Variants in CAMK1D observed in about 807,000 individuals in gnomAD.
CAMK1D encodes the protein calcium/calmodulin dependent protein kinase ID.
Under a neutral mutation model 47.7 loss-of-function variants are expected in CAMK1D, and 9 were observed. The ratio of observed to expected loss-of-function variants is 0.19; its 90% CI spans 0.11 to 0.33. CAMK1D has a LOEUF of 0.33. Among genes scored for constraint, CAMK1D ranks in the 10% least tolerant of loss-of-function variants. The pLI is 1.00. For missense variants in CAMK1D, 291 were observed against 488.7 expected (o/e 0.60, Z 3.81); for synonymous variants, 184 against 184.9 (o/e 0.99, Z 0.04).
intron 1 of CAMK1D, among the ~76,000 whole-genome samples, chr10:12,356,158 G>A (rs1439856041): frequency 6.6e-6 from 1 of 151,576 alleles, no homozygotes; most frequent in African/African-American, 2.4e-5. Flanking sequence ...AAATCTGCCC[G>A]CCCCCACCTC....
chr10:12,670,225 G>A (rs918714697), intron 3 of CAMK1D, among the ~76,000 whole-genome samples: 1 of 149,378 alleles, frequency 6.7e-6, no homozygotes, highest in African/African-American at 2.5e-5. Flanking sequence ...ATTCTAATGG[G>A]GTGTAGTGAT....
At chr10:12,543,227 T>C (rs1369195260) in intron 1 of CAMK1D, among the ~76,000 whole-genome samples, 2 of 151,992 alleles carry the variant, frequency 1.3e-5, no homozygotes, top group Admixed American at 1.3e-4. Flanking sequence ...TTTGTATTTT[T>C]TCTATAGAGA....
intron 1 of CAMK1D, among the ~76,000 whole-genome samples, chr10:12,367,333 G>T (rs1160415506): frequency 6.6e-6 from 1 of 151,970 alleles, no homozygotes. Flanking sequence ...TAGATCAGTG[G>T]TCCTCAATCT....
chr10:12,505,159 G>A (rs1015992162), intron 1 of CAMK1D, among the ~76,000 whole-genome samples: 23 of 152,210 alleles, frequency 1.5e-4, no homozygotes, highest in African/African-American at 3.6e-4. Context: ...TGCAGAAGCC[G>A]TCCGTGTGAG....
intron 1 of CAMK1D, among the ~76,000 whole-genome samples, chr10:12,408,848 C>CT (rs113921067): frequency 0.27 from 32,818 of 122,004 alleles, 4,941 homozygotes; most frequent in Middle Eastern, 0.31. Context: ...TTCTTTCTTT[C>CT]TTTTTTTTTT....
intron 3 of CAMK1D, among the ~76,000 whole-genome samples, chr10:12,711,312 G>A (rs11257949): frequency 0.013 from 1,996 of 152,260 alleles, 45 homozygotes; most frequent in African/African-American, 0.046. Flanking sequence ...AAAACACAGA[G>A]CGAGAAACTG....
chr10:12,432,368 G>C (rs1482543755), intron 1 of CAMK1D, among the ~76,000 whole-genome samples: 1 of 152,228 alleles, frequency 6.6e-6, no homozygotes, highest in Non-Finnish European at 1.5e-5. Context: ...GTTTCTGGCA[G>C]ATCCAGCTGG....
intron 1 of CAMK1D, among the ~76,000 whole-genome samples, chr10:12,489,977 G>A (rs575891644): frequency 3.3e-5 from 5 of 152,344 alleles, no homozygotes; most frequent in South Asian, 4.1e-4. Context: ...TTGAGGGAGC[G>A]TGGGGCAGGT....
At chr10:12,366,055 CA>C (rs1247810028) in intron 1 of CAMK1D, among the ~76,000 whole-genome samples, 1 of 152,104 alleles carries the variant, frequency 6.6e-6, no homozygotes, top group Non-Finnish European at 1.5e-5. Flanking sequence ...GACTCCGTCT[CA>C]AAAAAACACG....
At chr10:12,586,551 A>G (rs1204794869) in intron 2 of CAMK1D, among the ~76,000 whole-genome samples, 2 of 152,126 alleles carry the variant, frequency 1.3e-5, no homozygotes, top group Non-Finnish European at 2.9e-5. Flanking sequence ...GTTAAAAACA[A>G]TACCCATTCT....
At chr10:12,412,410 G>C (rs1208799727) in intron 1 of CAMK1D, among the ~76,000 whole-genome samples, 1 of 140,254 alleles carries the variant, frequency 7.1e-6, no homozygotes, top group African/African-American at 2.7e-5. Flanking sequence ...AGGAGTTCGA[G>C]ACCAGCCTGG....
At chr10:12,486,304 G>A (rs1474534287) in intron 1 of CAMK1D, among the ~76,000 whole-genome samples, 2 of 152,062 alleles carry the variant, frequency 1.3e-5, no homozygotes, top group Admixed American at 6.5e-5. Context: ...GACTACAGGT[G>A]CCCACCACCA....
intron 1 of CAMK1D, among the ~76,000 whole-genome samples, chr10:12,452,266 T>G (rs889460673): frequency 1.3e-5 from 2 of 152,110 alleles, no homozygotes; most frequent in African/African-American, 4.8e-5. Flanking sequence ...TAAACTGAAT[T>G]TACAATATTT....
chr10:12,360,846 C>T lies in CAMK1D; in HGVS notation c.92+10936C>T, dbSNP rs117950167. Among the ~76,000 whole-genome samples, 267 of 152,260 alleles carry T rather than the reference C, an allele frequency of 1.8e-3. 1 individual carries two copies. Among genetic ancestry groups the T allele is most frequent in the African/African-American group, 5.9e-3 (247 of 41,550 alleles). On this transcript the variant is annotated intron_variant, in intron 1 of 10. Coordinates refer to ENST00000619168, the MANE Select transcript of CAMK1D (RefSeq NM_153498.4). ...GCTCTGGAAAGGGAGGCTGCTGTGT[C>T]GCTGCCTCTCCCATCTTTCTTTCTT...
chr10:12,791,245 C>T lies in CAMK1D; in HGVS notation c.641+12C>T, dbSNP rs779323281. 3 of 1,612,696 alleles carry T rather than the reference C, an allele frequency of 1.9e-6. No individual in the cohort carries two copies. The highest frequency in any genetic ancestry group is 3.3e-5 in the Admixed American group (2 of 59,934). On this transcript the variant is annotated intron_variant, in intron 6 of 10. Coordinates refer to ENST00000619168, the MANE Select transcript of CAMK1D (RefSeq NM_153498.4). ...ATTGCCTACATCTTGTAAGTACTGC[C>T]TGCTGCCTTGGGTTCTTCCTCTACC...
intron 1 of CAMK1D, among the ~76,000 whole-genome samples, chr10:12,488,887 A>T (rs1374187109): frequency 2.0e-5 from 3 of 152,160 alleles, no homozygotes; most frequent in Non-Finnish European, 4.4e-5. Context: ...AATACAGATG[A>T]GGTTTCGCTC....
intron 3 of CAMK1D, among the ~76,000 whole-genome samples, chr10:12,739,219 A>G (rs899318626): frequency 6.6e-6 from 1 of 152,160 alleles, no homozygotes; most frequent in African/African-American, 2.4e-5. Flanking sequence ...CCTGGGCAAC[A>G]GAGAGAAACC....
intron 1 of CAMK1D, among the ~76,000 whole-genome samples, chr10:12,523,382 G>A (rs1358697995): frequency 6.6e-6 from 1 of 152,178 alleles, no homozygotes; most frequent in Non-Finnish European, 1.5e-5. Context: ...ACTTTGGGAG[G>A]CCAAGGCAGG....
chr10:12,509,941 C>T (rs1157827067), intron 1 of CAMK1D, among the ~76,000 whole-genome samples: 5 of 152,178 alleles, frequency 3.3e-5, no homozygotes, highest in African/African-American at 1.2e-4. Flanking sequence ...CTAGGCTGGG[C>T]GCCTGTTTCC....
Sources: gnomAD v4.1 joint callset for allele counts (sites outside exome capture counted in the v4.1 genomes callset) on GRCh38, gnomAD v4.1.1 for gene constraint, MANE v1.5 for transcripts, NCBI Gene and HGNC (gene_info 2026-07-23, HGNC 2026-07-21) for gene names.